POU6F2: variants seen among roughly 807,000 people sequenced by gnomAD.
POU6F2 encodes the protein POU domain, class 6, transcription factor 2.
A neutral mutation model predicts 71.3 loss-of-function variants in POU6F2; 31 were observed. That is an observed-to-expected ratio of 0.43 (90% CI 0.33 to 0.59). POU6F2 has a LOEUF of 0.59. Ranked by LOEUF, POU6F2 falls within the 20% of genes least tolerant of loss-of-function variation. The pLI is 0.04. For synonymous variants in POU6F2, 347 were observed against 355.7 expected (o/e 0.98, Z 0.27); for missense variants, 783 against 856.8 (o/e 0.91, Z 1.07).
At chr7:39,280,221 A>G (rs1269025437) in intron 4 of POU6F2, among the ~76,000 whole-genome samples, 2 of 152,244 alleles carry the variant, frequency 1.3e-5, no homozygotes, top group African/African-American at 4.8e-5. Context: ...CCTGTGACAT[A>G]TAATAAATGC....
chr7:39,088,767 C>A (rs1018136519), intron 2 of POU6F2, among the ~76,000 whole-genome samples: 1 of 152,104 alleles, frequency 6.6e-6, no homozygotes, highest in Non-Finnish European at 1.5e-5. Context: ...TTTATTGTAC[C>A]TGAAATTTCA....
Position 39,406,665 on chromosome 7 carries a change from C to A in POU6F2, c.1038C>A (p.Ser346Arg). 6.2e-7 allele frequency: 1 copy of A among 1,613,832 alleles called. No individual in the cohort carries two copies. The highest frequency in any genetic ancestry group is 8.5e-7 in the Non-Finnish European group (1 of 1,179,856). Reference sequence around the variant, plus strand: ...CAGCAGCCATGAGCTCCATAGCAAGCTCACAGGCCTTTGGCAATGCCCTCT... The same window carrying A: ...CAGCAGCCATGAGCTCCATAGCAAGATCACAGGCCTTTGGCAATGCCCTCT... ...AAAAAMSSIA[S>R]SQAFGNALSS... Residue 346 changes from serine (S) to arginine (R), a missense_variant, in exon 6 of 10, where the codon AGC becomes AGA. Physicochemically the swap from Ser to Arg is moderately radical, Grantham distance 110. Transcript: ENST00000518318.
chr7:39,361,626 G>A (rs1030570050), intron 5 of POU6F2, among the ~76,000 whole-genome samples: 84 of 152,302 alleles, frequency 5.5e-4, no homozygotes, highest in African/African-American at 2.0e-3. Flanking sequence ...TTAGTAACAT[G>A]TACCTATTTT....
intron 2 of POU6F2, among the ~76,000 whole-genome samples, chr7:39,172,202 ATATT>A (rs887395491): frequency 3.3e-5 from 5 of 152,196 alleles, no homozygotes; most frequent in African/African-American, 1.2e-4. Context: ...ATAATATTAT[ATATT>A]TAACATTAGA....
Position 39,460,946 on chromosome 7 carries a change from G to A in POU6F2, c.1658+231G>A, listed in dbSNP as rs576392658. Among the ~76,000 whole-genome samples the A allele has an allele frequency of 3.3e-5, 5 of 152,216 alleles. No individual in the cohort carries two copies. Among genetic ancestry groups the A allele is most frequent in the Non-Finnish European group, 5.9e-5 (4 of 68,008 alleles). ...TGTCAACTCACAAAGAACTTCCAAG[G>A]CAGTCTCATTGGAAATACACTACCC... On this transcript the variant is annotated intron_variant, in intron 9 of 9. Coordinates refer to ENST00000518318, the MANE Select transcript of POU6F2 (RefSeq NM_001370959.1). The surrounding 1 kb of genome is among the most constrained non-coding windows in gnomAD (Gnocchi z 4.4).
intron 6 of POU6F2, among the ~76,000 whole-genome samples, chr7:39,417,502 T>A (rs1430799373): frequency 6.6e-6 from 1 of 152,192 alleles, no homozygotes; most frequent in Non-Finnish European, 1.5e-5. Flanking sequence ...CCTACCTGTA[T>A]AACTAACAAT....
intron 4 of POU6F2, among the ~76,000 whole-genome samples, chr7:39,290,067 GA>G (rs1223944666): frequency 4.0e-5 from 6 of 151,642 alleles, no homozygotes; most frequent in African/African-American, 4.8e-5. Context: ...TCCAAAGTTA[GA>G]AAAAAAATAT....
chr7:39,087,608 A>T (rs1791279624), intron 2 of POU6F2, among the ~76,000 whole-genome samples: 1 of 152,202 alleles, frequency 6.6e-6, no homozygotes, highest in Non-Finnish European at 1.5e-5. Context: ...TAAATTACAG[A>T]AAGGTAAAAG....
At chr7:39,126,570 G>C (rs1007765622) in intron 2 of POU6F2, among the ~76,000 whole-genome samples, 5 of 152,090 alleles carry the variant, frequency 3.3e-5, no homozygotes, top group African/African-American at 1.2e-4. Flanking sequence ...GTAGATTTCT[G>C]CCATACTCAG....
chr7:39,442,163 G>A (rs1165874835), intron 7 of POU6F2, among the ~76,000 whole-genome samples: 1 of 152,038 alleles, frequency 6.6e-6, no homozygotes, highest in African/African-American at 2.4e-5. Flanking sequence ...AATATTTATT[G>A]ATCACCTACC....
At position 39,464,201 on chromosome 7, in the gene POU6F2, C is replaced by T; in HGVS notation, c.1678C>T (p.His560Tyr). Residue 560 changes from histidine to tyrosine, a missense_variant, in exon 10 of 10, where the codon CAC (histidine) becomes TAC (tyrosine). Around this residue, in one of 2 missense-constraint regions of POU6F2, gnomAD observed 211 missense variants for 283.9 expected, o/e 0.74. Coordinates refer to ENST00000518318, the MANE Select transcript of POU6F2 (RefSeq NM_001370959.1). The surrounding 1 kb of genome is among the most constrained non-coding windows in gnomAD (Gnocchi z 4.1). ...CCCCAGACACACCATCCTGAGAAGC[C>T]ACTTTTTCCTACCACAGGAAGCCCA... Reference protein sequence around the residue: ...AICRHTILRSHFFLPQEAQEN... With the variant: ...AICRHTILRSYFFLPQEAQEN... 6.2e-7 allele frequency: 1 copy of T among 1,613,772 alleles called. No individual in the cohort carries two copies. Among genetic ancestry groups the T allele is most frequent in the Non-Finnish European group, 8.5e-7 (1 of 1,179,738 alleles).
chr7:39,315,832 A>G (rs1785255933), intron 4 of POU6F2, among the ~76,000 whole-genome samples: 1 of 152,240 alleles, frequency 6.6e-6, no homozygotes, highest in South Asian at 2.1e-4. Context: ...CTTTGGCTTT[A>G]TAACACCCAT....
intron 7 of POU6F2, among the ~76,000 whole-genome samples, chr7:39,446,195 C>T (rs2116093942): frequency 6.6e-6 from 1 of 152,352 alleles, no homozygotes; most frequent in South Asian, 2.1e-4. Context: ...CTGCGAGACC[C>T]CTCTGGGTTG....
chr7:39,288,593 C>T (rs1352732083), intron 4 of POU6F2, among the ~76,000 whole-genome samples: 1 of 152,186 alleles, frequency 6.6e-6, no homozygotes, highest in Admixed American at 6.5e-5. Flanking sequence ...TTAAGCAGAT[C>T]GTGAATCATC....
chr7:39,079,647 G>T (rs750138144), intron 1 of POU6F2, among the ~76,000 whole-genome samples: 6 of 152,142 alleles, frequency 3.9e-5, no homozygotes, highest in Non-Finnish European at 8.8e-5. Context: ...TTTTAATTTT[G>T]AATGTCCTGC....
intron 2 of POU6F2, among the ~76,000 whole-genome samples, chr7:39,116,868 T>G (rs1267738453): frequency 2.0e-5 from 3 of 152,216 alleles, no homozygotes; most frequent in African/African-American, 7.2e-5. Flanking sequence ...ACATCACTTT[T>G]AAGCAAAAGA....
At chr7:39,272,620 T>G (rs1784361625) in intron 4 of POU6F2, among the ~76,000 whole-genome samples, 1 of 152,250 alleles carries the variant, frequency 6.6e-6, no homozygotes, top group Non-Finnish European at 1.5e-5. Flanking sequence ...GCACCAAACA[T>G]TCTTGAAACT....
At chr7:39,418,977 A>G (rs375495479) in intron 6 of POU6F2, among the ~76,000 whole-genome samples, 13 of 139,568 alleles carry the variant, frequency 9.3e-5, no homozygotes, top group South Asian at 2.2e-4. Context: ...GTATATATGT[A>G]TATATATGTG....
chr7:39,177,479 C>G (rs746608750), intron 2 of POU6F2, among the ~76,000 whole-genome samples: 1 of 152,176 alleles, frequency 6.6e-6, no homozygotes, highest in African/African-American at 2.4e-5. Flanking sequence ...ATGAGACAAT[C>G]CAAGGATTGG....
Sources: gnomAD v4.1 joint callset for allele counts (sites outside exome capture counted in the v4.1 genomes callset) on GRCh38, gnomAD v4.1.1 for gene constraint, gnomAD v4.1.1 regional missense constraint, Gnocchi (gnomAD v3.1) non-coding constraint, MANE v1.5 for transcripts, NCBI Gene and HGNC (gene_info 2026-07-23, HGNC 2026-07-21) for gene names.